The following BCAR3 variants were observed in gnomAD, a reference collection of about 807,000 sequenced individuals.
BCAR3 encodes the protein breast cancer anti-estrogen resistance protein 3.
In BCAR3, 37 loss-of-function variants were observed where a neutral mutation model predicts 80.1. The observed-to-expected ratio is 0.46, with a 90% confidence interval of 0.36 to 0.61. The LOEUF (loss-of-function observed/expected upper bound fraction) is 0.61, where lower values mean the gene tolerates loss of function less well. Among genes scored for constraint, BCAR3 ranks in the 20% least tolerant of loss-of-function variants. The pLI is 0.00. For synonymous variants in BCAR3, 389 were observed against 418.9 expected (o/e 0.93, Z 0.87); for missense variants, 978 against 1,068.2 (o/e 0.92, Z 1.18).
intron 2 of BCAR3, among the ~76,000 whole-genome samples, chr1:93,661,069 T>A (rs113201526): frequency 6.7e-6 from 1 of 148,412 alleles, no homozygotes; most frequent in South Asian, 2.2e-4. Context: ...GATGGAGTTT[T>A]GCTCTTGTTG....
intron 2 of BCAR3, among the ~76,000 whole-genome samples, chr1:93,788,748 C>A (rs1365127662): frequency 6.6e-6 from 1 of 152,116 alleles, no homozygotes; most frequent in Non-Finnish European, 1.5e-5. Flanking sequence ...TTGCCACTCC[C>A]TGCTCAAATA....
intron 2 of BCAR3, among the ~76,000 whole-genome samples, chr1:93,823,347 A>G (rs987981302): frequency 2.2e-5 from 3 of 133,802 alleles, no homozygotes; most frequent in Non-Finnish European, 5.1e-5. Flanking sequence ...TGGTGACATT[A>G]GCATGTTATA....
chr1:93,630,948 C>A (rs1017744504), intron 3 of BCAR3, among the ~76,000 whole-genome samples: 1 of 152,206 alleles, frequency 6.6e-6, no homozygotes, highest in Non-Finnish European at 1.5e-5. Flanking sequence ...CGGCTAAAAC[C>A]GGGCTCTGGA....
intron 2 of BCAR3, among the ~76,000 whole-genome samples, chr1:93,708,102 T>C (rs1438510858): frequency 2.6e-5 from 4 of 152,190 alleles, no homozygotes; most frequent in South Asian, 2.1e-4. Flanking sequence ...GAAATGGAAC[T>C]TCGCAGACTG....
chr1:93,562,704 G>A (rs1385509749), intron 11 of BCAR3, among the ~76,000 whole-genome samples: 2 of 148,780 alleles, frequency 1.3e-5, no homozygotes, highest in Non-Finnish European at 3.0e-5. Context: ...CCGGGAGGTG[G>A]AGCTTGCAGT....
At chr1:93,784,709 T>G (rs905410999) in intron 2 of BCAR3, among the ~76,000 whole-genome samples, 1 of 152,224 alleles carries the variant, frequency 6.6e-6, no homozygotes, top group Non-Finnish European at 1.5e-5. Flanking sequence ...TGTTGACATT[T>G]TGGAAACAAA....
intron 2 of BCAR3, among the ~76,000 whole-genome samples, chr1:93,797,257 A>G (rs11164997): frequency 0.14 from 21,515 of 152,060 alleles, 2,482 homozygotes; most frequent in African/African-American, 0.31. Flanking sequence ...TTATCTTTCC[A>G]TGCAGCTTCT....
chr1:93,643,284 G>C (rs547477775), intron 2 of BCAR3, among the ~76,000 whole-genome samples: 3 of 151,344 alleles, frequency 2.0e-5, no homozygotes, highest in Admixed American at 6.6e-5. Flanking sequence ...AGCATTTTGG[G>C]GGGGCCGAGG....
chr1:93,804,609 G>A (rs2223908), intron 2 of BCAR3, among the ~76,000 whole-genome samples: 9,731 of 152,270 alleles, frequency 0.064, 364 homozygotes, highest in South Asian at 0.092. Context: ...GGGCAGGACA[G>A]AGTTGGCCAG....
intron 2 of BCAR3, among the ~76,000 whole-genome samples, chr1:93,657,262 G>T (rs1476756145): frequency 6.6e-6 from 1 of 151,936 alleles, no homozygotes; most frequent in Non-Finnish European, 1.5e-5. Context: ...CCCTGAAACA[G>T]AAAATCAAAA....
chr1:93,735,803 C>T (rs940122446), intron 2 of BCAR3, among the ~76,000 whole-genome samples: 2 of 152,216 alleles, frequency 1.3e-5, no homozygotes, highest in African/African-American at 4.8e-5. Flanking sequence ...AGTAAATAAG[C>T]TTCTAGCTTC....
At chr1:93,583,405 G>A (rs1479261267) in intron 6 of BCAR3, among the ~76,000 whole-genome samples, 1 of 152,158 alleles carries the variant, frequency 6.6e-6, no homozygotes, top group African/African-American at 2.4e-5. Context: ...AAGAGACACT[G>A]GGGTAACCTA....
intron 1 of BCAR3, chr1:93,846,784 G>A (rs767042860): frequency 1.1e-5 from 5 of 449,214 alleles, no homozygotes; most frequent in African/African-American, 8.5e-5. Context: ...CGTCCTTGGA[G>A]GCAGGTGCTG....
upstream of BCAR3, among the ~76,000 whole-genome samples, chr1:93,683,199 A>G (rs1279875390): frequency 2.0e-5 from 3 of 152,248 alleles, no homozygotes; most frequent in Non-Finnish European, 1.5e-5. Flanking sequence ...TCCTCAAGAG[A>G]GGACAAACAG....
chr1:93,638,698 G>C (rs1273883386), intron 3 of BCAR3, among the ~76,000 whole-genome samples: 1 of 152,196 alleles, frequency 6.6e-6, no homozygotes, highest in African/African-American at 2.4e-5. Context: ...GAGGAAGGTG[G>C]AGCCACTCTG....
intron 3 of BCAR3, among the ~76,000 whole-genome samples, chr1:93,618,313 A>G (rs1476246794): frequency 6.6e-6 from 1 of 152,218 alleles, no homozygotes; most frequent in Non-Finnish European, 1.5e-5. Context: ...CGTGCTGTAC[A>G]TATCCTGGTC....
At chr1:93,810,115 C>A (rs1557695516) in intron 2 of BCAR3, among the ~76,000 whole-genome samples, 1 of 149,250 alleles carries the variant, frequency 6.7e-6, no homozygotes, top group Non-Finnish European at 1.5e-5. Flanking sequence ...ATTGCTTGAA[C>A]CCGTGAGGCG....
At position 93,738,058 on chromosome 1, in the gene BCAR3, T is replaced by G. The variant is rs567971585; in HGVS notation, c.-62-31916A>C. Among the ~76,000 whole-genome samples, 157 of 152,300 alleles carry G rather than the reference T, an allele frequency of 1.0e-3. 1 individual carries two copies. Among genetic ancestry groups the G allele is most frequent in the African/African-American group, 3.7e-3 (152 of 41,572 alleles). On this transcript the variant is annotated intron_variant, in intron 2 of 13. Transcript: ENST00000370244. ...TTTGCTGCCTTGGCTGATCTTGAAC[T>G]CCTGGCTTGAAGCGATCCTCCTGCC...
chr1:93,696,310 C>T (rs927274444), intron 3 of BCAR3, among the ~76,000 whole-genome samples: 1 of 152,138 alleles, frequency 6.6e-6, no homozygotes, highest in East Asian at 1.9e-4. Flanking sequence ...CTTGAATTCC[C>T]ACATATTAGG....
Sources: gnomAD v4.1 joint callset for allele counts (sites outside exome capture counted in the v4.1 genomes callset) on GRCh38, gnomAD v4.1.1 for gene constraint, MANE v1.5 for transcripts, NCBI Gene and HGNC (gene_info 2026-07-23, HGNC 2026-07-21) for gene names.